The following POLR2D variants were observed in gnomAD, a reference collection of about 807,000 sequenced individuals.
The protein encoded by POLR2D is RNA polymerase II subunit D.
A neutral mutation model predicts 17.6 loss-of-function variants in POLR2D; 10 were observed. The ratio of observed to expected loss-of-function variants is 0.57; its 90% confidence interval spans 0.35 to 0.96. The LOEUF is 0.96. Ranked by LOEUF, POLR2D falls within the 40% of genes least tolerant of loss-of-function variation. The pLI is 0.02. For missense variants in POLR2D, 126 were observed against 176.4 expected, an observed-to-expected ratio of 0.71 and a Z score of 1.62; for synonymous variants, 52 against 60.2, an observed-to-expected ratio of 0.86 and a Z score of 0.63.
rs963637569 is a variant in POLR2D at position 127,852,104 on chromosome 2, G to C, written c.254+821C>G. Among the ~76,000 whole-genome samples the C allele has an allele frequency of 1.6e-4, 24 of 152,112 alleles. No individual in the cohort carries two copies. The highest frequency in any genetic ancestry group is 3.2e-4 in the Non-Finnish European group (22 of 68,020). ...GCACCCGGCCAATCCCAGCACTTTG[G>C]GGGGCTAAGGTTGGAGGATCAATTG... On this transcript the variant is annotated intron_variant, in intron 2 of 3. Transcript: ENST00000272645. This position sits in a 1 kb window ranked among gnomAD's most constrained non-coding sequence, Gnocchi z 4.0.
chr2:127,852,972 G>A lies in POLR2D; in HGVS notation c.207C>T (p.Ala69=). 1 of 1,614,046 alleles carries A rather than the reference G, an allele frequency of 6.2e-7. No individual in the cohort carries two copies. The highest frequency in any genetic ancestry group is 8.5e-7 in the Non-Finnish European group (1 of 1,179,954). ...CTCTGTTTTTGAAACGACTGAAACG[G>A]GCTGTGTAGTTTAATGTTTTCATGA... ...EVFMKTLNYT[A]RFSRFKNRET... Residue 69 remains alanine, a synonymous_variant, in exon 2 of 4, where the codon GCC becomes GCT. Transcript: ENST00000272645. The surrounding 1 kb of genome is among the most constrained non-coding windows in gnomAD (Gnocchi z 4.0).
intron 2 of POLR2D, 56 bp from the exon 3 acceptor site, chr2:127,850,741 A>C: frequency 1.2e-6 from 1 of 862,846 alleles, no homozygotes; most frequent in Non-Finnish European, 1.9e-6. Context: ...AAACAACAAA[A>C]ATCAAAGAGT....
chr2:127,851,688 T>C (rs1340641477), intron 2 of POLR2D, among the ~76,000 whole-genome samples: 2 of 152,256 alleles, frequency 1.3e-5, no homozygotes, highest in African/African-American at 4.8e-5. Flanking sequence ...TTACACATTC[T>C]AAGTAACAAA....
chr2:127,855,291 G>T (rs1226376157), intron 1 of POLR2D, among the ~76,000 whole-genome samples: 2 of 151,366 alleles, frequency 1.3e-5, no homozygotes, highest in Non-Finnish European at 2.9e-5. Flanking sequence ...TACTCAGGAG[G>T]CCGAGGCAGG....
At chr2:127,848,215 T>C (rs1257490988) in intron 3 of POLR2D, 30 bp from the exon 4 acceptor site, 3 of 1,490,794 alleles carry the variant, frequency 2.0e-6, no homozygotes, top group Non-Finnish European at 1.9e-6. Flanking sequence ...AATGAGTGAT[T>C]TGGCGACTGG....
chr2:127,857,591 T>A (rs1486037002), intron 1 of POLR2D, among the ~76,000 whole-genome samples: 1 of 152,204 alleles, frequency 6.6e-6, no homozygotes, highest in Non-Finnish European at 1.5e-5. Context: ...CTCTTCCCGC[T>A]TTTTTACATT....
chr2:127,856,290 C>CAAAAAAAAAA (rs61249327), intron 1 of POLR2D, among the ~76,000 whole-genome samples: 5,134 of 25,304 alleles, frequency 0.2, 1,645 homozygotes, highest in South Asian at 0.44. Context: ...GATCCCGTCT[C>CAAAAAAAAAA]AAAAAAAAAA....
intron 1 of POLR2D, 65 bp downstream of exon 1, chr2:127,857,963 A>G: frequency 6.5e-7 from 1 of 1,548,234 alleles, no homozygotes; most frequent in East Asian, 2.6e-5. Context: ...CGAAGCGCGC[A>G]TAACGCCAGG....
chr2:127,851,395 G>A (rs1372364394), intron 2 of POLR2D, among the ~76,000 whole-genome samples: 1 of 152,024 alleles, frequency 6.6e-6, no homozygotes, highest in South Asian at 2.1e-4. Flanking sequence ...CTCCAATCTG[G>A]GTGATGAAGT....
rs1690173031 is a variant in POLR2D, at chr2:127,847,292, T to G, written c.*815A>C. ...TAAACACTTCCCATGGCGTGCTTCT[T>G]CCGTCTCCCAGGTTAGGCACAACGA... On this transcript the variant is annotated 3_prime_UTR_variant, in exon 4 of 4. Coordinates refer to ENST00000272645, the MANE Select transcript of POLR2D (RefSeq NM_004805.4). The G allele has an allele frequency of 6.6e-6, 1 of 152,216 alleles. No homozygotes were observed. Among genetic ancestry groups the G allele is most frequent in the Non-Finnish European group, 1.5e-5 (1 of 68,092 alleles). The allele number at this position is 152,216 out of a possible 1,614,324, so 9.4% of individuals were successfully genotyped here. A position where few individuals can be genotyped will look rare whatever the true frequency, so the allele number is the denominator to read the frequency against.
At position 127,852,488 on chromosome 2, in the gene POLR2D, G is replaced by A. The variant is rs1309691764; in HGVS notation, c.254+437C>T. Among the ~76,000 whole-genome samples, 1 of 151,484 alleles carries A rather than the reference G, an allele frequency of 6.6e-6. No homozygotes were observed. The highest frequency in any genetic ancestry group is 1.9e-4 in the East Asian group (1 of 5,140). On this transcript the variant is annotated intron_variant, in intron 2 of 3. Transcript: ENST00000272645. The surrounding 1 kb of genome is among the most constrained non-coding windows in gnomAD (Gnocchi z 4.0). ...CTTGAACTCCTGGCCTCAAGAGACT[G>A]GTCCACCTCAGCTCCACAAAGTGTG... is the stretch of plus-strand genomic sequence containing the variant.
chr2:127,852,758 G>A lies in POLR2D; in HGVS notation c.254+167C>T, dbSNP rs930784850. On this transcript the variant is annotated intron_variant, in intron 2 of 3. Coordinates refer to ENST00000272645, the MANE Select transcript of POLR2D (RefSeq NM_004805.4). This position sits in a 1 kb window ranked among gnomAD's most constrained non-coding sequence, Gnocchi z 4.0. ...TGGTCTTGAACACCTGGCCTCAAGT[G>A]ATCTGCTGCCTCAACCTTCCAAAGT... Among the ~76,000 whole-genome samples, 1 of 152,168 alleles carries A rather than the reference G, an allele frequency of 6.6e-6. No individual in the cohort carries two copies. The highest frequency in any genetic ancestry group is 1.5e-5 in the Non-Finnish European group (1 of 68,026).
Position 127,858,075 on chromosome 2 carries a change from C to G in POLR2D, c.26G>C (p.Arg9Pro), listed in dbSNP as rs768053742. Residue 9 changes from arginine (R) to proline (P), a missense_variant, in exon 1 of 4, where the codon CGG becomes CCG. By Grantham distance (103) the Arg-to-Pro change is moderately radical. Around this residue, in one of 2 missense-constraint regions of POLR2D, gnomAD observed 41 missense variants for 24.9 expected, o/e 1.64. Coordinates refer to ENST00000272645, the MANE Select transcript of POLR2D (RefSeq NM_004805.4). The part of the protein sequence containing the change: MAAGGSDP[R>P]AGDVEEDASQ... The stretch of plus-strand genomic sequence containing the variant: ...GGCGTCCTCCTCTACGTCGCCAGCC[C>G]GCGGATCGCTGCCACCCGCCGCCAT... 2 of 1,542,044 alleles carry G rather than the reference C, an allele frequency of 1.3e-6. No individual in the cohort carries two copies. The highest frequency in any genetic ancestry group is 1.4e-5 in the African/African-American group (1 of 69,998).
chr2:127,855,802 TAC>T (rs3836128), intron 1 of POLR2D, among the ~76,000 whole-genome samples: 49,047 of 151,230 alleles, frequency 0.32, 9,624 homozygotes, highest in African/African-American at 0.56. Flanking sequence ...CGCGCGCACA[TAC>T]ACACACACAC....
At chr2:127,857,771 G>A in intron 1 of POLR2D, 1 of 1,275,406 alleles carries the variant, frequency 7.8e-7, no homozygotes. Context: ...CTTACCACCT[G>A]AGTGTCCGGC....
At position 127,853,439 on chromosome 2, in the gene POLR2D, G is replaced by A. The variant is rs576315270; in HGVS notation, c.74-334C>T. Among the ~76,000 whole-genome samples, 15 of 152,204 alleles carry A rather than the reference G, an allele frequency of 9.9e-5. No individual in the cohort carries two copies. In the South Asian group the frequency reaches 2.7e-3, roughly 27 times the overall value. On this transcript the variant is annotated intron_variant, in intron 1 of 3. Coordinates refer to ENST00000272645, the MANE Select transcript of POLR2D (RefSeq NM_004805.4). Reference sequence around the variant, plus strand: ...TTCCCTTCTGTCCATATGTACTCAAGGTTTAACTCCCACTTATAAGAATGT... The same window carrying A: ...TTCCCTTCTGTCCATATGTACTCAAAGTTTAACTCCCACTTATAAGAATGT...
rs1168887079 is a variant in POLR2D, at chr2:127,858,063, A to T, written c.38T>A (p.Val13Glu). 14 of 1,557,106 alleles carry T rather than the reference A, an allele frequency of 9.0e-6. No homozygotes were observed. Among genetic ancestry groups the T allele is most frequent in the Non-Finnish European group, 1.1e-5 (13 of 1,155,534 alleles). Residue 13 changes from valine (V) to glutamate (E), a missense_variant, in exon 1 of 4, where the codon GTA becomes GAA. Physicochemically the swap from Val to Glu is moderately radical, Grantham distance 121. Around this residue, in one of 2 missense-constraint regions of POLR2D, gnomAD observed 41 missense variants for 24.9 expected, o/e 1.64. Coordinates refer to ENST00000272645, the MANE Select transcript of POLR2D (RefSeq NM_004805.4). ...AGGSDPRAGD[V>E]EEDASQLIFP... ...GATGAGCTGTGAGGCGTCCTCCTCTACGTCGCCAGCCCGCGGATCGCTGCC... is the reference window on the plus strand; with the variant it reads ...GATGAGCTGTGAGGCGTCCTCCTCTTCGTCGCCAGCCCGCGGATCGCTGCC...
chr2:127,850,884 G>A (rs995806062), intron 2 of POLR2D, among the ~76,000 whole-genome samples, 199 bp from the exon 3 acceptor site: 1 of 151,980 alleles, frequency 6.6e-6, no homozygotes, highest in Non-Finnish European at 1.5e-5. Context: ...TGAGGAGTTC[G>A]AGACCAGCCT....
chr2:127,843,808 C>T lies in POLR2D; in HGVS notation c.*4299G>A, dbSNP rs972094588. 3 of 153,376 alleles carry T rather than the reference C, an allele frequency of 2.0e-5. No homozygotes were observed. The highest frequency in any genetic ancestry group is 4.4e-5 in the Non-Finnish European group (3 of 67,988). 9.5% of individuals were successfully genotyped at this position (153,376 alleles called of 1,614,324 possible). A position where few individuals can be genotyped will look rare whatever the true frequency, so the allele number is the denominator to read the frequency against. On this transcript the variant is annotated 3_prime_UTR_variant, in exon 4 of 4. Transcript: ENST00000272645. ...TATCCCTCATGAAGGGGATTAATGCCCTTATAAAAGAGGCTGCGGGCTGGG... is the reference window on the plus strand; with the variant it reads ...TATCCCTCATGAAGGGGATTAATGCTCTTATAAAAGAGGCTGCGGGCTGGG...
Sources: allele counts gnomAD v4.1 joint callset (sites outside exome capture counted in the v4.1 genomes callset), GRCh38; gene constraint gnomAD v4.1.1; regional missense constraint gnomAD v4.1.1; non-coding constraint Gnocchi (gnomAD v3.1); transcripts MANE v1.5; gene names NCBI Gene and HGNC (gene_info 2026-07-23, HGNC 2026-07-21).